TOR3A: variants seen among roughly 807,000 people sequenced by gnomAD.
The protein encoded by TOR3A is torsin-3A.
A neutral mutation model predicts 42.1 loss-of-function variants in TOR3A; 44 were observed. The observed-to-expected ratio is 1.04, with a 90% CI of 0.82 to 1.34. The LOEUF (loss-of-function observed/expected upper bound fraction) is 1.34. Ranked by LOEUF, TOR3A falls within the 40% of genes most tolerant of loss-of-function variation. TOR3A has a pLI of 0.00. For missense variants in TOR3A, 521 were observed against 507.6 expected (o/e 1.03, Z -0.25); for synonymous variants, 227 against 213.2 (o/e 1.06, Z -0.57).
intron 2 of TOR3A, among the ~76,000 whole-genome samples, chr1:179,083,473 C>A (rs1377522583): frequency 1.3e-5 from 2 of 151,134 alleles, no homozygotes; most frequent in African/African-American, 4.9e-5. Context: ...GCTCACTGCA[C>A]CCTCCGCCTC....
At chr1:179,085,985 G>A (rs1652424592) in intron 3 of TOR3A, 92 bp downstream of exon 3, 3 of 1,503,364 alleles carry the variant, frequency 2.0e-6, no homozygotes, top group Non-Finnish European at 2.7e-6. Context: ...CTCTGGAGAA[G>A]CCTGGGGAGG....
chr1:179,095,010 T>G lies in TOR3A; in HGVS notation c.986T>G (p.Ile329Ser), dbSNP rs138598531. The part of the protein sequence containing the change: ...GHSRLVKENL[I>S]DYFIPFLPLE... ...AGCCGTCTTGTGAAGGAAAACCTGA[T>G]TGACTACTTCATCCCCTTCCTGCCT... The change falls in exon 6 of 6, where the codon ATT becomes AGT. Residue 329 changes from isoleucine to serine, a missense_variant. Physicochemically the swap from Ile to Ser is moderately radical, Grantham distance 142. Transcript: ENST00000367627. 1.2e-6 allele frequency: 2 copies of G among 1,614,226 alleles called. No homozygotes were observed. Among genetic ancestry groups the G allele is most frequent in the African/African-American group, 2.7e-5 (2 of 75,062 alleles).
chr1:179,082,538 C>T (rs1652317940), intron 1 of TOR3A, 151 bp downstream of exon 1: 8 of 1,246,664 alleles, frequency 6.4e-6, no homozygotes, highest in African/African-American at 1.5e-5. Flanking sequence ...CGGGGGCAGC[C>T]TCCGCGGAGC....
intron 1 of TOR3A, chr1:179,082,637 C>A: frequency 5.6e-6 from 4 of 714,524 alleles, no homozygotes; most frequent in Non-Finnish European, 1.0e-5. Context: ...CCCCTGATCC[C>A]TGCGCTTTCC....
chr1:179,092,904 T>C (rs929419588), intron 4 of TOR3A, among the ~76,000 whole-genome samples: 9 of 151,714 alleles, frequency 5.9e-5, no homozygotes, highest in Non-Finnish European at 1.0e-4. Context: ...CTTAGGAGGC[T>C]GAGGTGAGAG....
Position 179,082,373 on chromosome 1 carries a change from C to T in TOR3A, c.245C>T (p.Ala82Val), listed in dbSNP as rs76529463. 1.3e-3 allele frequency: 2,166 copies of T among 1,605,272 alleles called. 41 individuals are homozygous for T. In the East Asian group the frequency reaches 0.04, roughly 30 times the overall value. Reference sequence around the variant, plus strand: ...GACTGTGACGAGGACGAGGAGGCAGCCACGGGGCCCCTGGGTAAGACCCCG... The same window carrying T: ...GACTGTGACGAGGACGAGGAGGCAGTCACGGGGCCCCTGGGTAAGACCCCG... The part of the protein sequence containing the change: ...PDDCDEDEEA[A>V]TGPLGWRLPL... The change falls in exon 1 of 6, where the codon GCC becomes GTC. Residue 82 changes from alanine to valine, a missense_variant. Transcript: ENST00000367627.
intron 3 of TOR3A, among the ~76,000 whole-genome samples, chr1:179,086,545 A>T (rs1180364865): frequency 6.6e-6 from 1 of 152,038 alleles, no homozygotes; most frequent in Non-Finnish European, 1.5e-5. Context: ...GGGCACCTGT[A>T]GTCTCAGCTA....
At chr1:179,082,882 G>A in intron 1 of TOR3A, 58 bp from the exon 2 acceptor site, 3 of 1,173,946 alleles carry the variant, frequency 2.6e-6, no homozygotes, top group Admixed American at 4.0e-5. Context: ...CAAGGTTGCC[G>A]CATCACTGTA....
chr1:179,082,935 T>C lies in TOR3A; in HGVS notation c.260-5T>C. The C allele has an allele frequency of 6.4e-7, 1 of 1,557,336 alleles. No homozygotes were observed. The highest frequency in any genetic ancestry group is 2.3e-5 in the East Asian group (1 of 43,988). ...CTCTCGGTCTCACAGCTCCTCCTTT[T>C]CCAGGCTGGCGCCTTCCTCTGTTGG... On this transcript the variant is annotated splice_region_variant and splice_polypyrimidine_tract_variant and intron_variant, in intron 1 of 5. Transcript: ENST00000367627.
intron 2 of TOR3A, among the ~76,000 whole-genome samples, chr1:179,083,581 C>CGGGGGG (rs78979955): frequency 9.7e-6 from 1 of 102,640 alleles, no homozygotes; most frequent in Admixed American, 1.2e-4. Flanking sequence ...TTAGTAGAGG[C>CGGGGGG]GGGGGGGGGG....
At position 179,095,643 on chromosome 1, in the gene TOR3A, G is replaced by A; in HGVS notation, c.*425G>A. The A allele has an allele frequency of 9.7e-7, 1 of 1,027,462 alleles. No homozygotes were observed. The highest frequency in any genetic ancestry group is 3.9e-5 in the South Asian group (1 of 25,818). The allele number at this position is 1,027,462 out of a possible 1,614,324, so 63.6% of individuals were successfully genotyped here. ...TCAGCTCTTCTGCAAGGAAGAGCTT[G>A]GGTGTTAGGCCTCAGAGGCTGTAGG... On this transcript the variant is annotated 3_prime_UTR_variant, in exon 6 of 6. Transcript: ENST00000367627.
rs756077982 is a variant in TOR3A at position 179,085,816 on chromosome 1, G to A, written c.562G>A (p.Gly188Arg). The A allele has an allele frequency of 1.9e-5, 31 of 1,614,018 alleles. No homozygotes were observed. The highest frequency in any genetic ancestry group is 9.3e-5 in the African/African-American group (7 of 74,924). ...GCTGGTGGAGAACCTGTATCGGGACGGGCTGATGAGTGACTGTGTCAGGAT... is the reference window on the plus strand; with the variant it reads ...GCTGGTGGAGAACCTGTATCGGGACAGGCTGATGAGTGACTGTGTCAGGAT... ...RMLVENLYRD[G>R]LMSDCVRMFI... Residue 188 changes from glycine to arginine, a missense_variant, in exon 3 of 6, where the codon GGG (glycine) becomes AGG (arginine). Transcript: ENST00000367627.
rs75183024 is a variant in TOR3A, at chr1:179,091,280, C to G, written c.819-2813C>G. On this transcript the variant is annotated intron_variant, in intron 4 of 5. Coordinates refer to ENST00000367627, the MANE Select transcript of TOR3A (RefSeq NM_022371.4). ...GGTGCCCTCTGGCCCCTCCAGACTT[C>G]CCAGCGATCCAGGTCAGCAGATGAG... Among the ~76,000 whole-genome samples the G allele has an allele frequency of 8.5e-3, 1,299 of 152,244 alleles. 17 individuals carry two copies. The highest frequency in any genetic ancestry group is 0.03 in the African/African-American group (1,231 of 41,546).
intron 4 of TOR3A, among the ~76,000 whole-genome samples, chr1:179,091,960 G>A (rs1652598776): frequency 6.6e-6 from 1 of 152,232 alleles, no homozygotes. Context: ...GCTTCCCCGG[G>A]GAAAGCCTGG....
intron 3 of TOR3A, among the ~76,000 whole-genome samples, chr1:179,086,473 T>C (rs1322293926): frequency 1.3e-5 from 2 of 152,180 alleles, no homozygotes; most frequent in African/African-American, 4.8e-5. Flanking sequence ...GAGACCATCC[T>C]GGCTAACACG....
intron 4 of TOR3A, among the ~76,000 whole-genome samples, chr1:179,089,403 C>T (rs1287521473): frequency 6.6e-6 from 1 of 151,242 alleles, no homozygotes. Context: ...CCTTCCTGGT[C>T]TGCAGGTGAA....
intron 1 of TOR3A, chr1:179,082,678 C>T: frequency 1.4e-6 from 1 of 705,126 alleles, no homozygotes; most frequent in Non-Finnish European, 2.6e-6. Flanking sequence ...TGCCATCTCC[C>T]AGCCCACCCT....
chr1:179,086,534 C>A (rs534549677), intron 3 of TOR3A, among the ~76,000 whole-genome samples: 1 of 152,052 alleles, frequency 6.6e-6, no homozygotes, highest in Non-Finnish European at 1.5e-5. Context: ...GGCGTGGTGG[C>A]GGGCACCTGT....
intron 2 of TOR3A, 193 bp from the exon 3 acceptor site, chr1:179,085,435 A>AG (rs1186786697): frequency 4.3e-6 from 3 of 694,218 alleles, no homozygotes; most frequent in Non-Finnish European, 5.0e-6. Flanking sequence ...AAAAAAAAAA[A>AG]AAAAGAAAGT....
Sources: allele counts gnomAD v4.1 joint callset (sites outside exome capture counted in the v4.1 genomes callset), GRCh38; gene constraint gnomAD v4.1.1; transcripts MANE v1.5; gene names NCBI Gene and HGNC (gene_info 2026-07-23, HGNC 2026-07-21).